BIN2: variants seen among roughly 807,000 people sequenced by gnomAD.
The protein encoded by BIN2 is bridging integrator 2, also known as breast cancer associated protein BRAP1.
A neutral mutation model predicts 67.9 loss-of-function variants in BIN2; 43 were observed. The ratio of observed to expected loss-of-function variants is 0.63; its 90% CI spans 0.50 to 0.82. BIN2 has a LOEUF of 0.82. BIN2 is among the 40% of genes least tolerant of loss of function. The probability of loss-of-function intolerance (pLI) is 0.00; values close to 1 mark genes in which losing one functional copy is unlikely to be tolerated. For synonymous variants in BIN2, 244 were observed against 246.8 expected (o/e 0.99, Z 0.11); for missense variants, 581 against 671.6 (o/e 0.87, Z 1.49).
At chr12:51,322,296 G>A (rs1052668935) in intron 1 of BIN2, among the ~76,000 whole-genome samples, 1 of 150,336 alleles carries the variant, frequency 6.7e-6, no homozygotes, top group African/African-American at 2.4e-5. Flanking sequence ...TGCTTACAAA[G>A]GAGTGAAAGC....
intron 11 of BIN2, among the ~76,000 whole-genome samples, chr12:51,287,649 GT>G (rs544875937): frequency 2.5e-3 from 346 of 139,892 alleles, no homozygotes; most frequent in African/African-American, 7.3e-3. Flanking sequence ...CCTAGGAAAA[GT>G]TTTTTTTTTT....
intron 7 of BIN2, among the ~76,000 whole-genome samples, chr12:51,298,789 C>G (rs1277584764): frequency 2.0e-5 from 3 of 152,016 alleles, no homozygotes; most frequent in Non-Finnish European, 4.4e-5. Context: ...GAAAATCTGG[C>G]TGGGCATGGT....
In BIN2 at chr12:51,291,730, G is replaced by A. The variant is rs1945384489; in HGVS notation, c.1376C>T (p.Pro459Leu). ...RASLGTGTAS[P>L]RTSLEVSPNP... ...AGGAGAGACCTCTAGGGAGGTCCTA[G>A]GACTTGCAGTCCCAGTCCCCAAGGA... Residue 459 changes from proline to leucine, a missense_variant, in exon 10 of 13, where the codon CCT (proline) becomes CTT (leucine). Physicochemically the swap from Pro to Leu is moderately conservative, Grantham distance 98. Coordinates refer to ENST00000615107, the MANE Select transcript of BIN2 (RefSeq NM_016293.4). 1.2e-6 allele frequency: 2 copies of A among 1,613,502 alleles called. No homozygotes were observed. Among genetic ancestry groups the A allele is most frequent in the East Asian group, 2.2e-5 (1 of 44,874 alleles).
intron 2 of BIN2, among the ~76,000 whole-genome samples, chr12:51,309,722 C>T (rs1036570503): frequency 3.9e-5 from 6 of 152,130 alleles, no homozygotes; most frequent in African/African-American, 1.2e-4. Context: ...ATTTCTCAAA[C>T]GTATTTTCCC....
rs566850655 is a variant in BIN2, at chr12:51,292,240, T to C, written c.866A>G (p.Glu289Gly). The change falls in exon 10 of 13, where the codon GAG becomes GGG. Residue 289 changes from glutamate (E) to glycine (G), a missense_variant. Transcript: ENST00000615107. ...TSPSTLSLKS[E>G]SESVSATEDL... ...TTCAGTTGCTGAGACAGATTCACTC[T>C]CACTCTTCAAGGAAAGTGTAGAGGG... is the stretch of plus-strand genomic sequence containing the variant. The C allele has an allele frequency of 8.4e-5, 135 of 1,606,434 alleles. No individual in the cohort carries two copies. Among genetic ancestry groups the C allele is most frequent in the Non-Finnish European group, 1.1e-4 (128 of 1,179,988 alleles).
chr12:51,282,627 A>C (rs1409717544), intron 12 of BIN2, among the ~76,000 whole-genome samples: 4 of 152,106 alleles, frequency 2.6e-5, no homozygotes, highest in Non-Finnish European at 5.9e-5. Flanking sequence ...ACACAGTCTC[A>C]CTCCATTGCC....
At chr12:51,287,561 G>A (rs1945268431) in intron 11 of BIN2, among the ~76,000 whole-genome samples, 2 of 151,382 alleles carry the variant, frequency 1.3e-5, no homozygotes. Flanking sequence ...TCAAACTCTC[G>A]AACTCCTGAC....
intron 9 of BIN2, among the ~76,000 whole-genome samples, chr12:51,295,384 T>C (rs1230731328): frequency 3.7e-5 from 2 of 54,666 alleles, no homozygotes; most frequent in African/African-American, 7.6e-5. Flanking sequence ...CCATCTCTAC[T>C]AAAAATACAA....
intron 2 of BIN2, among the ~76,000 whole-genome samples, chr12:51,312,282 G>A (rs1946016184): frequency 6.6e-6 from 1 of 152,198 alleles, no homozygotes; most frequent in Non-Finnish European, 1.5e-5. Context: ...AAATATTTCT[G>A]CAAGGACTTC....
intron 9 of BIN2, 97 bp from the exon 10 acceptor site, chr12:51,292,441 G>C (rs984454962): frequency 5.3e-6 from 7 of 1,312,912 alleles, no homozygotes; most frequent in Non-Finnish European, 7.1e-6. Flanking sequence ...AAAGAATAAA[G>C]CAATTTAAAA....
At position 51,306,793 on chromosome 12, in the gene BIN2, T is replaced by C. The variant is rs548257567; in HGVS notation, c.163-3652A>G. Among the ~76,000 whole-genome samples, 5 of 152,154 alleles carry C rather than the reference T, an allele frequency of 3.3e-5. No individual in the cohort carries two copies. In the East Asian group the frequency reaches 9.6e-4, roughly 29 times the overall value. ...GTCAGTTAACAAAATTCAGAAACAC[T>C]CAGCATCTACCAGAAAGGATATCTC... is the stretch of plus-strand genomic sequence containing the variant. On this transcript the variant is annotated intron_variant, in intron 2 of 12. Coordinates refer to ENST00000615107, the MANE Select transcript of BIN2 (RefSeq NM_016293.4).
intron 2 of BIN2, among the ~76,000 whole-genome samples, chr12:51,312,766 CA>C (rs1313227695): frequency 1.3e-5 from 2 of 152,130 alleles, no homozygotes; most frequent in African/African-American, 4.8e-5. Flanking sequence ...ATAACAACAA[CA>C]AAAAGTTCAA....
chr12:51,284,160 T>G (rs1472042994), intron 12 of BIN2, among the ~76,000 whole-genome samples: 1 of 152,190 alleles, frequency 6.6e-6, no homozygotes, highest in Non-Finnish European at 1.5e-5. Flanking sequence ...CCACTCATGA[T>G]AGTGCCCTAT....
chr12:51,298,641 A>C (rs11169795), intron 7 of BIN2, among the ~76,000 whole-genome samples: 34,475 of 152,142 alleles, frequency 0.23, 4,527 homozygotes, highest in Middle Eastern at 0.33. Context: ...TGTGTTCATT[A>C]AAAAGGCTCC....
intron 12 of BIN2, among the ~76,000 whole-genome samples, chr12:51,282,552 T>C (rs1945140935): frequency 6.6e-6 from 1 of 152,184 alleles, no homozygotes; most frequent in Non-Finnish European, 1.5e-5. Context: ...TAAACAACTA[T>C]ATTACTTGAT....
chr12:51,308,721 G>C (rs12580302), intron 2 of BIN2, among the ~76,000 whole-genome samples: 19,944 of 152,116 alleles, frequency 0.13, 1,452 homozygotes, highest in East Asian at 0.24. Context: ...AAAAATAACA[G>C]GTTAAAGTGT....
At chr12:51,308,430 C>T (rs900674782) in intron 2 of BIN2, among the ~76,000 whole-genome samples, 7 of 152,124 alleles carry the variant, frequency 4.6e-5, no homozygotes, top group African/African-American at 1.7e-4. Context: ...GTTAATGAAC[C>T]ACTCACACCA....
chr12:51,301,729 C>T (rs1945729591), intron 5 of BIN2, among the ~76,000 whole-genome samples: 1 of 151,882 alleles, frequency 6.6e-6, no homozygotes, highest in Non-Finnish European at 1.5e-5. Context: ...AGGCTGGTCC[C>T]GAACTCCTGG....
chr12:51,288,484 AT>A (rs1238042314), intron 10 of BIN2, among the ~76,000 whole-genome samples: 2 of 151,670 alleles, frequency 1.3e-5, no homozygotes, highest in African/African-American at 2.4e-5. Flanking sequence ...TCCCTACTTA[AT>A]TTTTCTTCAT....
Sources: gnomAD v4.1 joint callset for allele counts (sites outside exome capture counted in the v4.1 genomes callset) on GRCh38, gnomAD v4.1.1 for gene constraint, MANE v1.5 for transcripts, NCBI Gene and HGNC (gene_info 2026-07-23, HGNC 2026-07-21) for gene names.